The following ARAP1 variants were observed in gnomAD, a reference collection of about 807,000 sequenced individuals.
The protein encoded by ARAP1 is arf-GAP with Rho-GAP domain, ANK repeat and PH domain-containing protein 1.
A neutral mutation model predicts 172.2 loss-of-function variants in ARAP1; 76 were observed. The ratio of observed to expected loss-of-function variants is 0.44; its 90% confidence interval spans 0.37 to 0.53. The LOEUF (loss-of-function observed/expected upper bound fraction) is 0.53, where lower values mean the gene tolerates loss of function less well. Among genes scored for constraint, ARAP1 ranks in the 20% least tolerant of loss-of-function variants. The pLI is 0.00. For synonymous variants in ARAP1, 804 were observed against 803.3 expected (o/e 1.00, Z -0.01); for missense variants, 1,686 against 1,977.5 (o/e 0.85, Z 2.80).
chr11:72,726,436 T>C lies in ARAP1; in HGVS notation c.509+184A>G, dbSNP rs1857690622. ...CAGCCCAGGCACTGCGCTGAGTACC[T>C]GCACAGCTCTCCCCTCCTCCTGAGT... On this transcript the variant is annotated intron_variant, in intron 3 of 34. Transcript: ENST00000393609. This position sits in a 1 kb window ranked among gnomAD's most constrained non-coding sequence, Gnocchi z 6.5. Among the ~76,000 whole-genome samples, 1 of 152,190 alleles carries C rather than the reference T, an allele frequency of 6.6e-6. No homozygotes were observed. Among genetic ancestry groups the C allele is most frequent in the African/African-American group, 2.4e-5 (1 of 41,442 alleles).
In ARAP1 at chr11:72,687,679, C is replaced by T; in HGVS notation, c.4121+9G>A. On this transcript the variant is annotated intron_variant, in intron 32 of 34. Transcript: ENST00000393609. ...CAGCCTGGGATCTCAGGATGAGGCG[C>T]TCACTCACCACTGCTGCTTCTCATG... The T allele has an allele frequency of 6.2e-7, 1 of 1,614,184 alleles. No individual in the cohort carries two copies. Among genetic ancestry groups the T allele is most frequent in the Non-Finnish European group, 8.5e-7 (1 of 1,180,028 alleles).
At position 72,699,758 on chromosome 11, in the gene ARAP1, C is replaced by T. The variant is rs952617938; in HGVS notation, c.2303-206G>A. ...CTCCCCCAGGCCTCTGCAGCAGCCC[C>T]TTCCAAAATCCCAGAGTGATCTAGC... On this transcript the variant is annotated intron_variant, in intron 16 of 34. Coordinates refer to ENST00000393609, the MANE Select transcript of ARAP1 (RefSeq NM_001040118.3). The surrounding 1 kb of genome is among the most constrained non-coding windows in gnomAD (Gnocchi z 4.2). Among the ~76,000 whole-genome samples the T allele has an allele frequency of 6.6e-6, 1 of 152,226 alleles. No homozygotes were observed. The highest frequency in any genetic ancestry group is 1.5e-5 in the Non-Finnish European group (1 of 68,044).
chr11:72,708,896 G>T (rs559203375), intron 11 of ARAP1, among the ~76,000 whole-genome samples: 2 of 152,290 alleles, frequency 1.3e-5, no homozygotes, highest in Middle Eastern at 3.4e-3. Context: ...AATTAGCCGG[G>T]CGTGGTAGCG....
At position 72,741,843 on chromosome 11, in the gene ARAP1, C is replaced by T. The variant is rs1858209490; in HGVS notation, c.-127-9246G>A. On this transcript the variant is annotated intron_variant, in intron 1 of 34. Coordinates refer to ENST00000393609, the MANE Select transcript of ARAP1 (RefSeq NM_001040118.3). This position sits in a 1 kb window ranked among gnomAD's most constrained non-coding sequence, Gnocchi z 4.5. Reference sequence around the variant, plus strand: ...GGAAGGGGAGGCCGCCAACTGACTCCTCTGTGAGCTCACTGGAAACCTAAA... The same window carrying T: ...GGAAGGGGAGGCCGCCAACTGACTCTTCTGTGAGCTCACTGGAAACCTAAA... 6.6e-6 allele frequency among the ~76,000 whole-genome samples: 1 copy of T among 152,134 alleles called. No homozygotes were observed. Among genetic ancestry groups the T allele is most frequent in the African/African-American group, 2.4e-5 (1 of 41,424 alleles).
intron 31 of ARAP1, 98 bp from the exon 32 acceptor site, chr11:72,687,836 A>T: frequency 7.1e-7 from 1 of 1,415,060 alleles, no homozygotes; most frequent in South Asian, 1.1e-5. Context: ...AGCCAGAGCC[A>T]GAGCCAGAGT....
chr11:72,735,971 A>C (rs903566460), intron 1 of ARAP1, among the ~76,000 whole-genome samples: 1 of 152,202 alleles, frequency 6.6e-6, no homozygotes, highest in Admixed American at 6.5e-5. Flanking sequence ...GCCCTCAACC[A>C]GGCTGAGGTA....
chr11:72,711,392 T>C lies in ARAP1; in HGVS notation c.1092+38A>G, dbSNP rs537734644. On this transcript the variant is annotated intron_variant, in intron 8 of 34. Transcript: ENST00000393609. Reference sequence around the variant, plus strand: ...CTCCAGTGTTGGGGCCAGCCTAGGCTGGAGCAGGGGTCGCGTCAGGACTGA... The same window carrying C: ...CTCCAGTGTTGGGGCCAGCCTAGGCCGGAGCAGGGGTCGCGTCAGGACTGA... The C allele has an allele frequency of 9.4e-6, 15 of 1,596,760 alleles. No individual in the cohort carries two copies. The African/African-American group carries it at 1.9e-4, about 20-fold the overall frequency.
At chr11:72,697,521 C>T in intron 20 of ARAP1, 35 bp from the exon 21 acceptor site, 1 of 1,612,832 alleles carries the variant, frequency 6.2e-7, no homozygotes, top group Non-Finnish European at 8.5e-7. Flanking sequence ...GAGGGGCCTA[C>T]ACCTATCCCA....
rs1856123352 is a variant in ARAP1, at chr11:72,695,123, C to T, written c.3577-26G>A. The T allele has an allele frequency of 3.7e-6, 6 of 1,606,836 alleles. No individual in the cohort carries two copies. The highest frequency in any genetic ancestry group is 1.3e-5 in the African/African-American group (1 of 74,820). ...CTGCAAGGACCAAGGAGGAGATTAGCCTGCCTGTGCCTAGCCCCTGCTCTG... is the reference window on the plus strand; with the variant it reads ...CTGCAAGGACCAAGGAGGAGATTAGTCTGCCTGTGCCTAGCCCCTGCTCTG... On this transcript the variant is annotated intron_variant, in intron 26 of 34. Transcript: ENST00000393609. The surrounding 1 kb of genome is among the most constrained non-coding windows in gnomAD (Gnocchi z 4.4).
At chr11:72,701,149 C>G (rs1364074867) in intron 16 of ARAP1, among the ~76,000 whole-genome samples, 1 of 151,944 alleles carries the variant, frequency 6.6e-6, no homozygotes, top group African/African-American at 2.4e-5. Context: ...GCAGAGGGAA[C>G]AGCACAGGCA....
Position 72,714,194 on chromosome 11 carries a change from G to A in ARAP1, c.637C>T (p.Pro213Ser). The change falls in exon 4 of 35, where the codon CCG (proline) becomes TCG (serine). Residue 213 changes from proline to serine, a missense_variant. Physicochemically the swap from Pro to Ser is moderately conservative, Grantham distance 74 (BLOSUM62 -1). This residue lies in a region of ARAP1 where 155 missense variants were observed against 129.2 expected (regional missense o/e 1.20). Transcript: ENST00000393609. ...CGTACCGGCTTTGGAGGTATCTCCG[G>A]GGGGCAGGGAGGTGGAGAGGGAGGC... Reference protein sequence around the residue: ...PQPPSPPPCPPEIPPKPVRLF... With the variant: ...PQPPSPPPCPSEIPPKPVRLF... 2 of 1,518,716 alleles carry A rather than the reference G, an allele frequency of 1.3e-6. No homozygotes were observed. Among genetic ancestry groups the A allele is most frequent in the Non-Finnish European group, 1.8e-6 (2 of 1,139,142 alleles). The allele number at this position is 1,518,716 out of a possible 1,614,324, so 94.1% of individuals were successfully genotyped here. A position where few individuals can be genotyped will look rare whatever the true frequency, so the allele number is the denominator to read the frequency against.
chr11:72,714,755 G>C (rs1296885384), intron 3 of ARAP1, among the ~76,000 whole-genome samples: 1 of 152,172 alleles, frequency 6.6e-6, no homozygotes, highest in Non-Finnish European at 1.5e-5. Context: ...GCACAGACCA[G>C]AGCCTCAGAA....
chr11:72,697,350 G>A lies in ARAP1; in HGVS notation c.2926C>T (p.Arg976Cys), dbSNP rs759643544. The A allele has an allele frequency of 3.1e-6, 5 of 1,599,138 alleles. No homozygotes were observed. The highest frequency in any genetic ancestry group is 2.3e-5 in the East Asian group (1 of 44,274). The change falls in exon 21 of 35, where the codon CGC becomes TGC. Residue 976 changes from arginine to cysteine, a missense_variant. Around this residue, in one of 5 missense-constraint regions of ARAP1, gnomAD observed 274 missense variants for 262.7 expected, o/e 1.04. Transcript: ENST00000393609. The stretch of plus-strand genomic sequence containing the variant: ...CACTGCGTGATGTAGTCCACACAGC[G>A]GTACACGATCACCGGGATATCCGAG... ...GDSDIPVIVY[R>C]CVDYITQCGL...
At chr11:72,697,850 G>A (rs957644793) in intron 19 of ARAP1, 61 bp downstream of exon 19, 4 of 1,496,542 alleles carry the variant, frequency 2.7e-6, no homozygotes, top group Non-Finnish European at 3.6e-6. Flanking sequence ...CAAGGGCTGG[G>A]GGCCTGGGAG....
chr11:72,731,536 G>T (rs1047813132), intron 2 of ARAP1, among the ~76,000 whole-genome samples: 72 of 152,200 alleles, frequency 4.7e-4, no homozygotes, highest in Admixed American at 4.6e-3. Flanking sequence ...CTGAGCAGAT[G>T]CTGGTGCCAT....
chr11:72,720,224 G>C (rs1408943046), intron 3 of ARAP1, among the ~76,000 whole-genome samples: 2 of 152,152 alleles, frequency 1.3e-5, no homozygotes, highest in African/African-American at 4.8e-5. Flanking sequence ...CCATTCCACA[G>C]GGGTAAACTG....
Position 72,704,201 on chromosome 11 carries a change from T to C in ARAP1, c.1943A>G (p.Lys648Arg), listed in dbSNP as rs751568806. Residue 648 changes from lysine (K) to arginine (R), a missense_variant, in exon 14 of 35, where the codon AAG becomes AGG. Coordinates refer to ENST00000393609, the MANE Select transcript of ARAP1 (RefSeq NM_001040118.3). ...AAAGAGCGGGTGGTAGCGGCGGTAC[T>C]TGCCCTCACGGTACTTGGCCTCCAG... Reference protein sequence around the residue: ...CHLEAKYREGKYRRYHPLFGN... With the variant: ...CHLEAKYREGRYRRYHPLFGN... 1 of 1,613,444 alleles carries C rather than the reference T, an allele frequency of 6.2e-7. No homozygotes were observed.
At chr11:72,698,879 A>G (rs1029095784) in intron 18 of ARAP1, 126 bp downstream of exon 18, 2 of 1,014,134 alleles carry the variant, frequency 2.0e-6, no homozygotes, top group East Asian at 4.8e-5. Flanking sequence ...GGCCCGCTCC[A>G]TGTCTGCTGC....
At chr11:72,719,705 A>T (rs1006346778) in intron 3 of ARAP1, among the ~76,000 whole-genome samples, 3 of 152,280 alleles carry the variant, frequency 2.0e-5, no homozygotes, top group African/African-American at 7.2e-5. Context: ...CGAAAGAACC[A>T]GGTGTCACTG....
Sources: allele counts gnomAD v4.1 joint callset (sites outside exome capture counted in the v4.1 genomes callset), GRCh38; gene constraint gnomAD v4.1.1; regional missense constraint gnomAD v4.1.1; non-coding constraint Gnocchi (gnomAD v3.1); transcripts MANE v1.5; gene names NCBI Gene and HGNC (gene_info 2026-07-23, HGNC 2026-07-21).